The following UNC13B variants were observed in gnomAD, a reference collection of about 807,000 sequenced individuals.
UNC13B encodes unc-13 homolog B.
In UNC13B, 144 loss-of-function variants were observed where a neutral mutation model predicts 211.0. The ratio of observed to expected loss-of-function variants is 0.68; its 90% CI spans 0.60 to 0.78. The LOEUF (loss-of-function observed/expected upper bound fraction) is 0.78, where lower values mean the gene tolerates loss of function less well. UNC13B is among the 30% of genes least tolerant of loss of function. The pLI is 0.00. For synonymous variants in UNC13B, 709 were observed against 725.8 expected (o/e 0.98, Z 0.37); for missense variants, 1,777 against 2,002.0 (o/e 0.89, Z 2.14).
At chr9:35,191,198 G>A (rs1192890627) in intron 1 of UNC13B, among the ~76,000 whole-genome samples, 2 of 152,108 alleles carry the variant, frequency 1.3e-5, no homozygotes, top group African/African-American at 4.8e-5. Flanking sequence ...GACCTCAGGT[G>A]ATCTCTGCCT....
Position 35,207,478 on chromosome 9 carries a change from T to TTTTATTTATTTATTTATTTA in UNC13B, c.23-20520_23-20501dup, listed in dbSNP as rs56280520. The stretch of plus-strand genomic sequence containing the variant: ...TGAACTCTGCAGAGAAGAAATTAAT[T>TTTTATTTATTTATTTATTTA]TTTATTTATTTATTTATTTATTTAT... On this transcript the variant is annotated intron_variant, in intron 1 of 39. Transcript: ENST00000635942. Among the ~76,000 whole-genome samples the TTTTATTTATTTATTTATTTA allele has an allele frequency of 4.3e-4, 61 of 142,978 alleles. 1 individual carries two copies. The highest frequency in any genetic ancestry group is 7.0e-4 in the African/African-American group (27 of 38,642). 93.8% of individuals were successfully genotyped at this position (142,978 alleles called of 152,430 possible). A position where few individuals can be genotyped will look rare whatever the true frequency, so the allele number is the denominator to read the frequency against.
chr9:35,179,395 G>A (rs1821811696), intron 1 of UNC13B, among the ~76,000 whole-genome samples: 1 of 151,760 alleles, frequency 6.6e-6, no homozygotes. Context: ...TTCTTGGGAG[G>A]GAGTGTGGTA....
At chr9:35,342,481 A>G in intron 11 of UNC13B, 1 of 505,772 alleles carries the variant, frequency 2.0e-6, no homozygotes, top group Non-Finnish European at 2.6e-6. Context: ...GGTCATTATA[A>G]TGAGTGAAAA....
intron 6 of UNC13B, among the ~76,000 whole-genome samples, chr9:35,247,869 A>C (rs1406942532): frequency 1.3e-5 from 2 of 152,196 alleles, no homozygotes. Flanking sequence ...CTGGCCTCAT[A>C]AAATGAGTTA....
At chr9:35,235,654 G>A (rs1788177117) in intron 3 of UNC13B, among the ~76,000 whole-genome samples, 1 of 152,164 alleles carries the variant, frequency 6.6e-6, no homozygotes, top group Non-Finnish European at 1.5e-5. Context: ...GGCCAAGCTG[G>A]TCTCAAACTC....
chr9:35,386,161 G>T lies in UNC13B; in HGVS notation c.10966-4G>T, dbSNP rs143069874. 6.2e-7 allele frequency: 1 copy of T among 1,614,062 alleles called. No homozygotes were observed. The highest frequency in any genetic ancestry group is 1.1e-5 in the South Asian group (1 of 91,072). ...GGGCCCATATTTCTTCTTTTAATTG[G>T]CAGGTACAAGAACTGCAAAGCCCTC... On this transcript the variant is annotated splice_polypyrimidine_tract_variant and splice_region_variant and intron_variant, in intron 23 of 39. Transcript: ENST00000635942.
chr9:35,327,764 A>G (rs904896051), intron 11 of UNC13B, among the ~76,000 whole-genome samples: 2 of 152,216 alleles, frequency 1.3e-5, no homozygotes, highest in African/African-American at 2.4e-5. Context: ...ATTACCGTCA[A>G]TGAAAGCATG....
intron 6 of UNC13B, among the ~76,000 whole-genome samples, chr9:35,254,988 AT>A (rs1342395219): frequency 2.5e-5 from 3 of 121,174 alleles, no homozygotes; most frequent in African/African-American, 9.6e-5. Context: ...TAATATATGT[AT>A]ATATTATATT....
intron 7 of UNC13B, among the ~76,000 whole-genome samples, chr9:35,284,489 TAA>T (rs1216859338): frequency 7.2e-5 from 11 of 152,226 alleles, no homozygotes; most frequent in Admixed American, 5.2e-4. Context: ...TTTGCCTTTC[TAA>T]AATATAACCT....
intron 11 of UNC13B, chr9:35,351,686 C>G: frequency 8.1e-7 from 1 of 1,232,272 alleles, no homozygotes; most frequent in Non-Finnish European, 1.0e-6. Flanking sequence ...CTCCCTGCCC[C>G]CTTGCTGTGG....
intron 6 of UNC13B, among the ~76,000 whole-genome samples, chr9:35,256,797 T>C (rs1826905840): frequency 6.6e-6 from 1 of 152,216 alleles, no homozygotes; most frequent in African/African-American, 2.4e-5. Flanking sequence ...CCTAGTAATC[T>C]ATTAATTAGG....
intron 1 of UNC13B, among the ~76,000 whole-genome samples, chr9:35,183,487 T>C (rs373147082): frequency 3.0e-5 from 3 of 101,266 alleles, no homozygotes; most frequent in Admixed American, 1.1e-4. Context: ...GCAGAGGCGC[T>C]CCTCACCTCC....
chr9:35,223,434 C>T (rs765771927), intron 1 of UNC13B, among the ~76,000 whole-genome samples: 2 of 152,154 alleles, frequency 1.3e-5, no homozygotes, highest in Non-Finnish European at 2.9e-5. Flanking sequence ...TTTTAATTTT[C>T]CTGATGATTA....
chr9:35,325,707 GA>G (rs1830967755), intron 11 of UNC13B, among the ~76,000 whole-genome samples: 1 of 151,906 alleles, frequency 6.6e-6, no homozygotes, highest in East Asian at 1.9e-4. Flanking sequence ...ACCTCAAAAG[GA>G]AATCCCATAC....
chr9:35,386,431 C>A (rs1835196495), intron 24 of UNC13B, 138 bp downstream of exon 24: 1 of 1,147,686 alleles, frequency 8.7e-7, no homozygotes, highest in Non-Finnish European at 1.2e-6. Flanking sequence ...GGAGTATGAA[C>A]CATGTGGACC....
In UNC13B at chr9:35,384,410, GA is replaced by G. The variant is rs1239847403; in HGVS notation, c.10875+100del. On this transcript the variant is annotated intron_variant, in intron 22 of 39. Transcript: ENST00000635942. ...CTTGGCTATAAAGATTGAGGCCAGG[GA>G]AAACTGGTCTGTGTCATCACATCCA... is the stretch of plus-strand genomic sequence containing the variant. 6.2e-5 allele frequency: 95 copies of G among 1,524,872 alleles called. 1 individual carries two copies. In the Admixed American group the frequency reaches 1.1e-3, roughly 17 times the overall value. The allele number at this position is 1,524,872 out of a possible 1,614,324, so 94.5% of individuals were successfully genotyped here. A position where few individuals can be genotyped will look rare whatever the true frequency, so the allele number is the denominator to read the frequency against.
intron 1 of UNC13B, among the ~76,000 whole-genome samples, chr9:35,220,703 C>CT (rs1284272331): frequency 2.4e-4 from 36 of 152,268 alleles, no homozygotes; most frequent in African/African-American, 8.4e-4. Flanking sequence ...CAAATCTTGG[C>CT]TATTGTGAAA....
intron 10 of UNC13B, 75 bp from the exon 11 acceptor site, chr9:35,313,824 G>T: frequency 8.7e-7 from 1 of 1,153,168 alleles, no homozygotes; most frequent in South Asian, 1.2e-5. Flanking sequence ...TTAGACATTT[G>T]GCAGTCTTGC....
At chr9:35,319,653 AC>A (rs1830641383) in intron 11 of UNC13B, among the ~76,000 whole-genome samples, 1 of 151,110 alleles carries the variant, frequency 6.6e-6, no homozygotes, top group Non-Finnish European at 1.5e-5. Flanking sequence ...ATTTTTTAAA[AC>A]TTTTTTTTTT....
Sources: allele counts gnomAD v4.1 joint callset (sites outside exome capture counted in the v4.1 genomes callset), GRCh38; gene constraint gnomAD v4.1.1; transcripts MANE v1.5; gene names NCBI Gene and HGNC (gene_info 2026-07-23, HGNC 2026-07-21).